FAM83B: variants seen among roughly 807,000 people sequenced by gnomAD.
FAM83B encodes scaffolding CK1 anchoring protein B, also known as protein FAM83B.
Under a neutral mutation model 38.8 loss-of-function variants are expected in FAM83B, and 26 were observed. That is an observed-to-expected ratio of 0.67 (90% CI 0.49 to 0.93). The LOEUF is 0.93. FAM83B is among the 40% of genes least tolerant of loss of function. The pLI, the probability that FAM83B is intolerant of heterozygous loss-of-function variation, is 0.00. For synonymous variants in FAM83B, 419 were observed against 423.1 expected (o/e 0.99, Z 0.12); for missense variants, 1,237 against 1,197.3 (o/e 1.03, Z -0.49).
At chr6:54,879,423 C>G (rs2127577432) in intron 2 of FAM83B, among the ~76,000 whole-genome samples, 1 of 152,262 alleles carries the variant, frequency 6.6e-6, no homozygotes, top group Non-Finnish European at 1.5e-5. Flanking sequence ...TTCAAACAAA[C>G]TTTTACAGGC....
At chr6:54,856,574 T>C (rs1207154500) in intron 1 of FAM83B, among the ~76,000 whole-genome samples, 1 of 151,030 alleles carries the variant, frequency 6.6e-6, no homozygotes, top group Non-Finnish European at 1.5e-5. Context: ...ACATTTAAAA[T>C]ATATATTTCT....
intron 2 of FAM83B, among the ~76,000 whole-genome samples, chr6:54,874,616 G>GC (rs1771947732): frequency 1.3e-5 from 2 of 151,476 alleles, no homozygotes; most frequent in South Asian, 4.2e-4. Context: ...TTTCATTAAA[G>GC]TTTTTTTTTC....
intron 2 of FAM83B, among the ~76,000 whole-genome samples, chr6:54,888,251 G>GT (rs201054582): frequency 1.4e-5 from 2 of 145,608 alleles, no homozygotes. Flanking sequence ...TTCAATATAT[G>GT]TTTTATTTCC....
chr6:54,909,730 A>G (rs895143631), intron 2 of FAM83B, among the ~76,000 whole-genome samples: 7 of 152,208 alleles, frequency 4.6e-5, no homozygotes, highest in Non-Finnish European at 8.8e-5. Context: ...TGAATAAAAT[A>G]AACACTCCAC....
At chr6:54,910,885 T>C (rs1357773187) in intron 2 of FAM83B, among the ~76,000 whole-genome samples, 8 of 151,894 alleles carry the variant, frequency 5.3e-5, no homozygotes, top group African/African-American at 1.2e-4. Context: ...CTGTTTTTTT[T>C]CCCAAACATG....
At chr6:54,853,549 T>C (rs895358347) in intron 1 of FAM83B, among the ~76,000 whole-genome samples, 5 of 152,188 alleles carry the variant, frequency 3.3e-5, no homozygotes, top group Admixed American at 2.6e-4. Context: ...GCCTGTGCTC[T>C]GTAAATGGAA....
At chr6:54,933,456 A>G (rs1457571362) in intron 4 of FAM83B, among the ~76,000 whole-genome samples, 1 of 152,012 alleles carries the variant, frequency 6.6e-6, no homozygotes, top group African/African-American at 2.4e-5. Flanking sequence ...TATTTTAAAT[A>G]TTTAATCAGG....
chr6:54,871,701 C>T (rs1236894567), intron 2 of FAM83B, among the ~76,000 whole-genome samples: 3 of 138,750 alleles, frequency 2.2e-5, no homozygotes, highest in Non-Finnish European at 4.5e-5. Context: ...TGAGATTGCG[C>T]CACTGCCCTC....
chr6:54,941,283 G>A lies in FAM83B; in HGVS notation c.2312G>A (p.Gly771Glu). 6.2e-7 allele frequency: 1 copy of A among 1,610,210 alleles called. No individual in the cohort carries two copies. Among genetic ancestry groups the A allele is most frequent in the Non-Finnish European group, 8.5e-7 (1 of 1,179,014 alleles). ...VKGSPSFLKKGSQKLRSLLSL... is the reference protein window; with the variant it reads ...VKGSPSFLKKESQKLRSLLSL... ...GGTTCCCCAAGTTTTTTGAAAAAGG[G>A]GTCTCAGAAGTTAAGGTCATTACTT... Residue 771 changes from glycine to glutamate, a missense_variant, in exon 5 of 5, where the codon GGG becomes GAG. Coordinates refer to ENST00000306858, the MANE Select transcript of FAM83B (RefSeq NM_001010872.3).
In FAM83B at chr6:54,942,705, TC is replaced by T. The variant is rs1773733345; in HGVS notation, c.*699del. ...CACTGGACCCAGGGAGCTGTCCCCC[TC>T]TTACCCATAGGCTGCTGATTTTTTA... On this transcript the variant is annotated 3_prime_UTR_variant, in exon 5 of 5. Transcript: ENST00000306858. Among the ~76,000 whole-genome samples, 1 of 140,424 alleles carries T rather than the reference TC, an allele frequency of 7.1e-6. No individual in the cohort carries two copies. The highest frequency in any genetic ancestry group is 1.5e-5 in the Non-Finnish European group (1 of 67,924). 92.1% of individuals were successfully genotyped at this position (140,424 alleles called of 152,430 possible). A position where few individuals can be genotyped will look rare whatever the true frequency, so the allele number is the denominator to read the frequency against.
intron 2 of FAM83B, among the ~76,000 whole-genome samples, chr6:54,901,342 A>G (rs1772655915): frequency 6.6e-6 from 1 of 152,160 alleles, no homozygotes; most frequent in African/African-American, 2.4e-5. Flanking sequence ...AGGTTTACAA[A>G]GTTTCTCACG....
intron 1 of FAM83B, among the ~76,000 whole-genome samples, chr6:54,850,278 AG>A (rs1307369092): frequency 1.3e-5 from 2 of 152,196 alleles, no homozygotes; most frequent in Non-Finnish European, 2.9e-5. Flanking sequence ...AACATTCTTT[AG>A]GCTTGCAGGT....
At position 54,927,493 on chromosome 6, in the gene FAM83B, T is replaced by A; in HGVS notation, c.610-15T>A. 1.3e-6 allele frequency: 2 copies of A among 1,554,630 alleles called. No homozygotes were observed. The highest frequency in any genetic ancestry group is 1.7e-6 in the Non-Finnish European group (2 of 1,146,326). ...CTAGCCATAATGTCTGCTTTTTATT[T>A]ACATATAATTCTAGAATATTCGAGT... On this transcript the variant is annotated splice_polypyrimidine_tract_variant and intron_variant, in intron 3 of 4. Transcript: ENST00000306858.
intron 4 of FAM83B, among the ~76,000 whole-genome samples, chr6:54,933,754 C>T (rs1773472155): frequency 6.6e-6 from 1 of 152,100 alleles, no homozygotes; most frequent in Admixed American, 6.6e-5. Context: ...ATGCTGCTTA[C>T]CTCTATTTTC....
intron 2 of FAM83B, 72 bp from the exon 3 acceptor site, chr6:54,926,299 T>A: frequency 2.0e-6 from 2 of 1,013,530 alleles, no homozygotes; most frequent in South Asian, 4.2e-5. Context: ...TGACCTTTAC[T>A]GAAAGTAAGC....
intron 4 of FAM83B, among the ~76,000 whole-genome samples, chr6:54,938,955 T>G (rs1169027128): frequency 6.6e-6 from 1 of 152,032 alleles, no homozygotes; most frequent in Non-Finnish European, 1.5e-5. Flanking sequence ...TCTAGAAGAG[T>G]TTTTATTATG....
At chr6:54,867,380 C>T (rs2127574509) in intron 1 of FAM83B, among the ~76,000 whole-genome samples, 1 of 152,084 alleles carries the variant, frequency 6.6e-6, no homozygotes, top group South Asian at 2.1e-4. Context: ...GGTTCCTTCA[C>T]AAGTATTCCA....
intron 2 of FAM83B, among the ~76,000 whole-genome samples, chr6:54,915,895 TG>T (rs1448566959): frequency 6.6e-6 from 1 of 152,016 alleles, no homozygotes; most frequent in African/African-American, 2.4e-5. Flanking sequence ...TCTCAGGTAT[TG>T]TTTTAATCAT....
chr6:54,853,838 T>G (rs1771374109), intron 1 of FAM83B, among the ~76,000 whole-genome samples: 1 of 152,180 alleles, frequency 6.6e-6, no homozygotes, highest in African/African-American at 2.4e-5. Flanking sequence ...CTGCCACAGG[T>G]AAGTGATTCC....
Sources: allele counts gnomAD v4.1 joint callset (sites outside exome capture counted in the v4.1 genomes callset), GRCh38; gene constraint gnomAD v4.1.1; transcripts MANE v1.5; gene names NCBI Gene and HGNC (gene_info 2026-07-23, HGNC 2026-07-21).